The following CPA6 variants were observed in gnomAD, a reference collection of about 807,000 sequenced individuals.
CPA6 encodes the protein carboxypeptidase A6.
A neutral mutation model predicts 63.3 loss-of-function variants in CPA6; 58 were observed. That is an observed-to-expected ratio of 0.92 (90% CI 0.74 to 1.14). The LOEUF (loss-of-function observed/expected upper bound fraction) is 1.14. CPA6 is among the 50% of genes most tolerant of loss of function. The probability of loss-of-function intolerance (pLI) is 0.00; values close to 1 mark genes in which losing one functional copy is unlikely to be tolerated. For missense variants in CPA6, 565 were observed against 526.6 expected, an observed-to-expected ratio of 1.07 and a Z score of -0.71; for synonymous variants, 185 against 179.0, an observed-to-expected ratio of 1.03 and a Z score of -0.27.
chr8:67,543,793 T>TATTA (rs1038066940), intron 2 of CPA6, among the ~76,000 whole-genome samples: 1 of 151,290 alleles, frequency 6.6e-6, no homozygotes, highest in Non-Finnish European at 1.5e-5. Flanking sequence ...TTATTATTAT[T>TATTA]ATTTTTAAGA....
At chr8:67,694,581 A>G (rs1331184374) in intron 1 of CPA6, among the ~76,000 whole-genome samples, 1 of 152,208 alleles carries the variant, frequency 6.6e-6, no homozygotes, top group Non-Finnish European at 1.5e-5. Flanking sequence ...TTACATGAAG[A>G]AGTGGCTTAA....
intron 1 of CPA6, among the ~76,000 whole-genome samples, chr8:67,658,168 A>AT (rs539021929): frequency 2.2e-3 from 338 of 152,272 alleles, no homozygotes; most frequent in African/African-American, 7.8e-3. Context: ...ACCTAACAGA[A>AT]TTTTTTTAAA....
At chr8:67,683,049 G>C (rs1816630665) in intron 1 of CPA6, among the ~76,000 whole-genome samples, 1 of 152,160 alleles carries the variant, frequency 6.6e-6, no homozygotes, top group Non-Finnish European at 1.5e-5. Context: ...CTCAACTCAG[G>C]GTGATGTCTG....
rs1815411890 is a variant in CPA6, at chr8:67,634,189, ATTATTATTATTATT to A, written c.117-9952_117-9939del. On this transcript the variant is annotated intron_variant, in intron 1 of 10. Transcript: ENST00000297770. ...CAAGTCACTGGATTTAATTATTATT[ATTATTATTATTATT>A]ATTATTATTATTATTATTTATTTGT... is the stretch of plus-strand genomic sequence containing the variant. Among the ~76,000 whole-genome samples, 3 of 48,030 alleles carry A rather than the reference ATTATTATTATTATT, an allele frequency of 6.2e-5. No homozygotes were observed. The South Asian group carries it at 1.5e-3, about 25-fold the overall frequency. The allele number at this position is 48,030 out of a possible 152,430, so 31.5% of individuals were successfully genotyped here.
intron 2 of CPA6, among the ~76,000 whole-genome samples, chr8:67,560,179 T>TATATATATATATATATATATATATATATC (rs1813173755): frequency 1.2e-5 from 1 of 81,140 alleles, no homozygotes; most frequent in Non-Finnish European, 2.9e-5. Flanking sequence ...ATATATATAT[T>TATATATATATATATATATATATATATATC]CCAGATGTAC....
intron 8 of CPA6, among the ~76,000 whole-genome samples, chr8:67,473,097 A>C (rs927883865): frequency 6.6e-6 from 1 of 152,346 alleles, no homozygotes; most frequent in East Asian, 1.9e-4. Flanking sequence ...CAAAAGATAG[A>C]ATAGCTCTTT....
At chr8:67,724,054 T>C (rs982610065) in intron 1 of CPA6, among the ~76,000 whole-genome samples, 1 of 152,154 alleles carries the variant, frequency 6.6e-6, no homozygotes, top group Non-Finnish European at 1.5e-5. Context: ...TCTCAGAAGC[T>C]GATAAGAAAA....
chr8:67,649,075 C>T (rs891183147), intron 1 of CPA6, among the ~76,000 whole-genome samples: 1 of 151,674 alleles, frequency 6.6e-6, no homozygotes, highest in Non-Finnish European at 1.5e-5. Flanking sequence ...ACAGTTCACA[C>T]AGAAGGCAAA....
chr8:67,538,476 A>G (rs1812634883), intron 2 of CPA6, among the ~76,000 whole-genome samples: 2 of 147,752 alleles, frequency 1.4e-5, no homozygotes, highest in Non-Finnish European at 3.0e-5. Flanking sequence ...TATTGGTGTG[A>G]AGTCTGTTTT....
intron 1 of CPA6, among the ~76,000 whole-genome samples, chr8:67,638,281 G>A (rs1310348314): frequency 6.6e-6 from 1 of 151,242 alleles, no homozygotes; most frequent in Non-Finnish European, 1.5e-5. Flanking sequence ...GAGAAAGGAG[G>A]AAAACTTGTT....
At chr8:67,585,727 T>G (rs1469378944) in intron 2 of CPA6, among the ~76,000 whole-genome samples, 2 of 152,144 alleles carry the variant, frequency 1.3e-5, no homozygotes, top group African/African-American at 4.8e-5. Context: ...TAAGTGTCCT[T>G]CGTTGTGATT....
chr8:67,514,083 G>A (rs571649424), intron 3 of CPA6, among the ~76,000 whole-genome samples: 1 of 151,596 alleles, frequency 6.6e-6, no homozygotes, highest in Admixed American at 6.6e-5. Context: ...TCAGCCTCCC[G>A]AGTAGCTGGG....
At position 67,660,496 on chromosome 8, in the gene CPA6, A is replaced by ATTTT. The variant is rs5892089; in HGVS notation, c.117-36249_117-36246dup. 3.2e-3 allele frequency among the ~76,000 whole-genome samples: 251 copies of ATTTT among 78,898 alleles called. 1 individual carries two copies. The highest frequency in any genetic ancestry group is 4.0e-3 in the African/African-American group (67 of 16,674). 51.8% of individuals were successfully genotyped at this position (78,898 alleles called of 152,430 possible). A position where few individuals can be genotyped will look rare whatever the true frequency, so the allele number is the denominator to read the frequency against. ...AGGCACACGGCATCATGCCCGGCTC[A>ATTTT]TTTTTTTTTTTTTTTTTTTTTTTGT... On this transcript the variant is annotated intron_variant, in intron 1 of 10. Transcript: ENST00000297770.
intron 2 of CPA6, among the ~76,000 whole-genome samples, chr8:67,521,529 C>A (rs901924482): frequency 6.6e-6 from 1 of 152,208 alleles, no homozygotes; most frequent in Non-Finnish European, 1.5e-5. Flanking sequence ...AGGATAATCA[C>A]TGTTTCTTAT....
Position 67,518,032 on chromosome 8 carries a change from G to A in CPA6, c.208C>T (p.Pro70Ser). 3 of 1,599,946 alleles carry A rather than the reference G, an allele frequency of 1.9e-6. No individual in the cohort carries two copies. The highest frequency in any genetic ancestry group is 2.3e-5 in the South Asian group (2 of 87,962). The part of the protein sequence containing the change: ...SYQLKVDLWQ[P>S]SSISYVSEGT... ...TCTGATACATAGGAGATACTGCTGG[G>A]CTGCCACAGGTCCACCTGTAGTGCA... The change falls in exon 3 of 11, where the codon CCC (proline) becomes TCC (serine). Residue 70 changes from proline (P) to serine (S), a missense_variant. Pro to Ser is a moderately conservative substitution (Grantham distance 74). Coordinates refer to ENST00000297770, the MANE Select transcript of CPA6 (RefSeq NM_020361.5).
chr8:67,587,552 T>C (rs1813977944), intron 2 of CPA6, among the ~76,000 whole-genome samples: 1 of 152,136 alleles, frequency 6.6e-6, no homozygotes, highest in African/African-American at 2.4e-5. Flanking sequence ...ATGTACTTTC[T>C]CAGGTAATGT....
intron 1 of CPA6, among the ~76,000 whole-genome samples, chr8:67,703,227 C>T (rs2623865): frequency 0.47 from 71,371 of 151,930 alleles, 19,887 homozygotes; most frequent in African/African-American, 0.79. Flanking sequence ...CCCAGGACAA[C>T]TTGTCTTGGT....
intron 8 of CPA6, among the ~76,000 whole-genome samples, chr8:67,476,547 C>T (rs1811241741): frequency 8.1e-6 from 1 of 123,968 alleles, no homozygotes; most frequent in Admixed American, 7.4e-5. Flanking sequence ...ATCTCTCTCT[C>T]TCTCTCTTTT....
chr8:67,589,985 C>T (rs1482047028), intron 2 of CPA6, among the ~76,000 whole-genome samples: 1 of 151,736 alleles, frequency 6.6e-6, no homozygotes, highest in Non-Finnish European at 1.5e-5. Flanking sequence ...GTGTGCTGCA[C>T]CCATTAACTC....
Sources: allele counts gnomAD v4.1 joint callset (sites outside exome capture counted in the v4.1 genomes callset), GRCh38; gene constraint gnomAD v4.1.1; transcripts MANE v1.5; gene names NCBI Gene and HGNC (gene_info 2026-07-23, HGNC 2026-07-21).